Variants in KLF8 observed in about 807,000 individuals in gnomAD.
The protein encoded by KLF8 is Krueppel-like factor 8.
KLF8 carries 10 observed loss-of-function variants against 18.2 expected under a neutral mutation model. The observed-to-expected ratio is 0.55, with a 90% CI of 0.34 to 0.93. The LOEUF is 0.93. KLF8 is among the 40% of genes least tolerant of loss of function. The probability of loss-of-function intolerance (pLI) is 0.02; values close to 1 mark genes in which losing one functional copy is unlikely to be tolerated. For missense variants in KLF8, 264 were observed against 277.9 expected (o/e 0.95, Z 0.36); for synonymous variants, 109 against 97.3 (o/e 1.12, Z -0.71).
At chrX:56,194,739 G>C in the KLF8 span, among the ~76,000 whole-genome samples, 3 of 112,290 alleles carry the variant, frequency 2.7e-5, no homozygotes, top group African/African-American at 9.7e-5. Flanking sequence ...TTTGAGAACG[G>C]ACAGACTGCC....
the KLF8 span, among the ~76,000 whole-genome samples, chrX:55,988,589 G>A: frequency 9.0e-6 from 1 of 111,702 alleles, no homozygotes; most frequent in Non-Finnish European, 1.9e-5. Flanking sequence ...GTACCATGCT[G>A]TTTTGGTTAC....
intron 1 of KLF8, among the ~76,000 whole-genome samples, chrX:56,242,490 C>T (rs887261879): frequency 2.7e-5 from 3 of 112,079 alleles, no homozygotes; most frequent in African/African-American, 9.7e-5. Flanking sequence ...CATGATTGGT[C>T]TTCCTAACAG....
chrX:56,221,500 G>A, the KLF8 span, among the ~76,000 whole-genome samples: 2 of 111,751 alleles, frequency 1.8e-5, no homozygotes, highest in African/African-American at 3.2e-5. Context: ...GGACCCTCGC[G>A]GTGAGTGTTA....
At chrX:56,154,219 G>T in the KLF8 span, among the ~76,000 whole-genome samples, 3 of 111,450 alleles carry the variant, frequency 2.7e-5, no homozygotes, top group Admixed American at 1.9e-4. Context: ...GCATGGTACT[G>T]GTACCAAAAC....
chrX:56,078,582 A>G, the KLF8 span, among the ~76,000 whole-genome samples: 2 of 111,812 alleles, frequency 1.8e-5, no homozygotes, highest in African/African-American at 6.5e-5. Flanking sequence ...ATGTTCATCA[A>G]GGATATTGGT....
chrX:55,912,511 C>G, the KLF8 span, among the ~76,000 whole-genome samples: 4 of 111,290 alleles, frequency 3.6e-5, no homozygotes, highest in Non-Finnish European at 7.5e-5. Context: ...ACTCAAGTTT[C>G]ATGCATCACT....
chrX:56,164,729 C>CTTTTTTTTTTTTTTTTTA, the KLF8 span, among the ~76,000 whole-genome samples: 1 of 51,920 alleles, frequency 1.9e-5, no homozygotes, highest in African/African-American at 8.6e-5. Context: ...CTTGTTATCT[C>CTTTTTTTTTTTTTTTTTA]TTTTTTTTTT....
At chrX:56,202,846 C>T in the KLF8 span, among the ~76,000 whole-genome samples, 3 of 111,018 alleles carry the variant, frequency 2.7e-5, no homozygotes, top group Non-Finnish European at 5.7e-5. Context: ...TGTTAGGTCC[C>T]TTCCAAATCT....
At chrX:55,953,730 A>T in the KLF8 span, among the ~76,000 whole-genome samples, 3 of 111,083 alleles carry the variant, frequency 2.7e-5, no homozygotes, top group African/African-American at 9.8e-5. Context: ...ATAAAGAATC[A>T]TCTTTTCAGC....
At chrX:56,159,223 C>A in the KLF8 span, among the ~76,000 whole-genome samples, 4 of 112,003 alleles carry the variant, frequency 3.6e-5, no homozygotes, top group Non-Finnish European at 5.6e-5. Context: ...AGTCTTGCAT[C>A]CCAGGGATGA....
At chrX:56,124,501 C>T in the KLF8 span, among the ~76,000 whole-genome samples, 1 of 112,194 alleles carries the variant, frequency 8.9e-6, no homozygotes, top group Non-Finnish European at 1.9e-5. Context: ...TTATCAATTT[C>T]TGATGCCATA....
At chrX:56,192,423 G>A in the KLF8 span, among the ~76,000 whole-genome samples, 1 of 111,241 alleles carries the variant, frequency 9.0e-6, no homozygotes, top group African/African-American at 3.3e-5. Flanking sequence ...ATGCAATCTC[G>A]ATCAAAACAC....
rs1438028210 is a variant in KLF8 at position 56,265,344 on chromosome X, C to G, written c.246C>G (p.Pro82=). 1 of 1,208,853 alleles carries G rather than the reference C, an allele frequency of 8.3e-7. No homozygotes were observed. Among genetic ancestry groups the G allele is most frequent in the South Asian group, 1.8e-5 (1 of 56,486 alleles). The part of the protein sequence containing the change: ...EELLASDFSL[P]QVEPVDLSFH... The stretch of plus-strand genomic sequence containing the variant: ...TTTTGGCTAGTGATTTCAGCCTGCC[C>G]CAAGTGGAACCAGTTGACCTCTCCT... The change falls in exon 3 of 6, where the codon CCC becomes CCG. Residue 82 remains proline (P), a synonymous_variant. Coordinates refer to ENST00000468660, the MANE Select transcript of KLF8 (RefSeq NM_007250.5).
the KLF8 span, among the ~76,000 whole-genome samples, chrX:56,049,384 TATG>T: frequency 1.8e-5 from 2 of 111,493 alleles, no homozygotes. Context: ...GTCCATTCAG[TATG>T]ATATTGGCTG....
the KLF8 span, among the ~76,000 whole-genome samples, chrX:55,959,051 C>A: frequency 8.9e-6 from 1 of 112,045 alleles, no homozygotes; most frequent in Non-Finnish European, 1.9e-5. Flanking sequence ...GAAACCCTGG[C>A]CCCACCAGTG....
the KLF8 span, among the ~76,000 whole-genome samples, chrX:55,945,262 A>G: frequency 1.8e-5 from 2 of 110,657 alleles, no homozygotes; most frequent in Admixed American, 9.7e-5. Flanking sequence ...TATGCGGTCA[A>G]TTTTGGAATA....
chrX:55,946,947 A>T, the KLF8 span, among the ~76,000 whole-genome samples: 1 of 111,959 alleles, frequency 8.9e-6, no homozygotes, highest in Non-Finnish European at 1.9e-5. Flanking sequence ...ATACCATCTC[A>T]CACCAGTTAG....
the KLF8 span, among the ~76,000 whole-genome samples, chrX:55,940,913 T>C: frequency 9.5e-3 from 1,061 of 111,423 alleles, 10 homozygotes; most frequent in African/African-American, 0.033. Flanking sequence ...TGCTCATGGG[T>C]AGGAAGAATC....
chrX:56,190,150 C>T, the KLF8 span, among the ~76,000 whole-genome samples: 1 of 110,933 alleles, frequency 9.0e-6, no homozygotes, highest in African/African-American at 3.3e-5. Context: ...ATATTGCATG[C>T]CATTGGAAAC....
Sources: gnomAD v4.1 joint callset for allele counts (sites outside exome capture counted in the v4.1 genomes callset) on GRCh38, gnomAD v4.1.1 for gene constraint, MANE v1.5 for transcripts, NCBI Gene and HGNC (gene_info 2026-07-23, HGNC 2026-07-21) for gene names.